Variants in TSPAN9 observed in about 807,000 individuals in gnomAD.
The protein encoded by TSPAN9 is tetraspanin-9.
In TSPAN9, 16 loss-of-function variants were observed where a neutral mutation model predicts 31.0. The ratio of observed to expected loss-of-function variants is 0.52; its 90% CI spans 0.35 to 0.78. The LOEUF (loss-of-function observed/expected upper bound fraction) is 0.78. Among genes scored for constraint, TSPAN9 ranks in the 30% least tolerant of loss-of-function variants. TSPAN9 has a pLI of 0.01. For synonymous variants in TSPAN9, 145 were observed against 121.6 expected, an observed-to-expected ratio of 1.19 and a Z score of -1.27; for missense variants, 272 against 312.5, an observed-to-expected ratio of 0.87 and a Z score of 0.98.
At chr12:3,185,838 G>A (rs2098361010) in intron 2 of TSPAN9, among the ~76,000 whole-genome samples, 1 of 152,158 alleles carries the variant, frequency 6.6e-6, no homozygotes, top group Admixed American at 6.5e-5. Context: ...CTGGAGTTCG[G>A]GTGTGGCTGG....
chr12:3,098,921 T>A (rs1330635044), intron 2 of TSPAN9, among the ~76,000 whole-genome samples: 2 of 151,960 alleles, frequency 1.3e-5, no homozygotes, highest in East Asian at 3.9e-4. Flanking sequence ...CCCGGCTAAT[T>A]TTTGTGTTTT....
chr12:3,156,458 G>A (rs1412389644), intron 2 of TSPAN9, among the ~76,000 whole-genome samples: 1 of 152,048 alleles, frequency 6.6e-6, no homozygotes, highest in African/African-American at 2.4e-5. Flanking sequence ...GTTGGAGTTT[G>A]GGATCTAGGC....
intron 2 of TSPAN9, among the ~76,000 whole-genome samples, chr12:3,084,902 C>T (rs2098299653): frequency 3.9e-5 from 6 of 152,202 alleles, no homozygotes; most frequent in Admixed American, 3.9e-4. Context: ...CAGGTCCCTC[C>T]CTGAGCCTGC....
chr12:3,155,784 T>C (rs1412848516), intron 2 of TSPAN9, among the ~76,000 whole-genome samples: 1 of 152,138 alleles, frequency 6.6e-6, no homozygotes, highest in Non-Finnish European at 1.5e-5. Context: ...AGGAAAATTG[T>C]CCCCCTTGGG....
intron 2 of TSPAN9, among the ~76,000 whole-genome samples, chr12:3,153,238 A>AGGAGCTATTG (rs1484043998): frequency 6.6e-6 from 1 of 152,224 alleles, no homozygotes; most frequent in Non-Finnish European, 1.5e-5. Context: ...TTTCAGGGTC[A>AGGAGCTATTG]GGAGCTATTG....
At chr12:3,120,999 G>T (rs2098324801) in intron 2 of TSPAN9, among the ~76,000 whole-genome samples, 1 of 152,232 alleles carries the variant, frequency 6.6e-6, no homozygotes, top group Admixed American at 6.5e-5. Context: ...GCCTGCCACT[G>T]GCCACTGGCT....
intron 3 of TSPAN9, among the ~76,000 whole-genome samples, chr12:3,202,159 G>T (rs567140927): frequency 4.6e-5 from 7 of 152,360 alleles, no homozygotes; most frequent in African/African-American, 1.7e-4. Flanking sequence ...AGGAACATTT[G>T]AAAACTTCTT....
intron 2 of TSPAN9, among the ~76,000 whole-genome samples, chr12:3,138,035 A>T (rs2098332906): frequency 6.6e-6 from 1 of 152,164 alleles, no homozygotes; most frequent in South Asian, 2.1e-4. Flanking sequence ...CCCCAGGACC[A>T]TCCTTGCCTT....
chr12:3,078,623 C>T lies in TSPAN9; in HGVS notation c.-85+1170C>T, dbSNP rs138503008. Among the ~76,000 whole-genome samples the T allele has an allele frequency of 2.3e-3, 353 of 152,226 alleles. 2 individuals are homozygous for T. The highest frequency in any genetic ancestry group is 8.1e-3 in the African/African-American group (337 of 41,530). On this transcript the variant is annotated intron_variant, in intron 1 of 8. Transcript: ENST00000011898. ...CAGCCAGAGAGGCAGACAATTACAC[C>T]GGCTTCCTACCCTCGGCTTGGTCCT...
At chr12:3,207,175 C>T (rs1376748733) in intron 3 of TSPAN9, among the ~76,000 whole-genome samples, 1 of 152,012 alleles carries the variant, frequency 6.6e-6, no homozygotes, top group Non-Finnish European at 1.5e-5. Flanking sequence ...GCTCCTAGGA[C>T]AGGGTTGTTT....
At chr12:3,176,872 A>T (rs2098355973) in intron 2 of TSPAN9, among the ~76,000 whole-genome samples, 1 of 152,184 alleles carries the variant, frequency 6.6e-6, no homozygotes, top group Admixed American at 6.5e-5. Flanking sequence ...ATTCCATGAA[A>T]ATTGGGGCCA....
At chr12:3,178,094 T>C (rs887362) in intron 2 of TSPAN9, among the ~76,000 whole-genome samples, 151,472 of 152,254 alleles carry the variant, frequency 0.99, 75,348 homozygotes, top group Middle Eastern at 1. Context: ...TGGGTAGTGC[T>C]GGCCTTTCCC....
At chr12:3,124,768 T>C (rs1486540346) in intron 2 of TSPAN9, 1 of 151,982 alleles carries the variant, frequency 6.6e-6, no homozygotes, top group Non-Finnish European at 1.5e-5. Flanking sequence ...ATATAATGAC[T>C]CAAAATAGGC....
chr12:3,105,748 TCACACA>T (rs367818280), intron 2 of TSPAN9, among the ~76,000 whole-genome samples: 8 of 105,788 alleles, frequency 7.6e-5, no homozygotes, highest in African/African-American at 2.2e-4. Context: ...ACACACACAC[TCACACA>T]CACGCACACA....
intron 2 of TSPAN9, among the ~76,000 whole-genome samples, chr12:3,139,762 G>T (rs1389756002): frequency 2.0e-5 from 3 of 152,108 alleles, no homozygotes. Flanking sequence ...TGCCCAGGCT[G>T]GTCTCAAACT....
At chr12:3,184,464 AAAAG>A (rs1353063014) in intron 2 of TSPAN9, among the ~76,000 whole-genome samples, 7 of 152,108 alleles carry the variant, frequency 4.6e-5, no homozygotes, top group Non-Finnish European at 1.0e-4. Context: ...AAAGAGAAAA[AAAAG>A]AAAGAGTCCA....
intron 3 of TSPAN9, among the ~76,000 whole-genome samples, chr12:3,216,659 G>T (rs1399256415): frequency 1.3e-5 from 2 of 152,244 alleles, no homozygotes; most frequent in Non-Finnish European, 2.9e-5. Context: ...GCCCTAATGG[G>T]CCTGGAAGCC....
chr12:3,232,215 A>G (rs566445207), intron 3 of TSPAN9, among the ~76,000 whole-genome samples: 1 of 151,872 alleles, frequency 6.6e-6, no homozygotes, highest in Middle Eastern at 3.4e-3. Context: ...ATCCTGAGAA[A>G]TGTGTATAGT....
At chr12:3,207,998 A>G (rs1448961223) in intron 3 of TSPAN9, among the ~76,000 whole-genome samples, 1 of 152,186 alleles carries the variant, frequency 6.6e-6, no homozygotes, top group Non-Finnish European at 1.5e-5. Context: ...ACCTTGGACT[A>G]TACCACCTCT....
Sources: gnomAD v4.1 joint callset for allele counts (sites outside exome capture counted in the v4.1 genomes callset) on GRCh38, gnomAD v4.1.1 for gene constraint, MANE v1.5 for transcripts, NCBI Gene and HGNC (gene_info 2026-07-23, HGNC 2026-07-21) for gene names.